HDAC1: variants seen among roughly 807,000 people sequenced by gnomAD.
HDAC1 encodes histone deacetylase 1, also known as protein deacetylase HDAC1.
HDAC1 carries 18 observed loss-of-function variants against 65.5 expected under a neutral mutation model. That is an observed-to-expected ratio of 0.27 (90% CI 0.19 to 0.41). The LOEUF (loss-of-function observed/expected upper bound fraction) is 0.41, where lower values mean the gene tolerates loss of function less well. HDAC1 is among the 10% of genes least tolerant of loss of function. HDAC1 has a pLI of 1.00. For synonymous variants in HDAC1, 211 were observed against 227.9 expected (o/e 0.93, Z 0.67); for missense variants, 373 against 625.2 (o/e 0.60, Z 4.30).
intron 2 of HDAC1, among the ~76,000 whole-genome samples, chr1:32,311,154 G>T (rs140672172): frequency 6.6e-6 from 1 of 152,140 alleles, no homozygotes; most frequent in African/African-American, 2.4e-5. Context: ...TGTAGCGGAT[G>T]AAAAAAGAAG....
intron 2 of HDAC1, among the ~76,000 whole-genome samples, chr1:32,309,929 G>C (rs1192587365): frequency 6.6e-6 from 1 of 152,120 alleles, no homozygotes; most frequent in Non-Finnish European, 1.5e-5. Flanking sequence ...ATGTATAAAG[G>C]CCTAAATGTG....
chr1:32,303,195 T>A (rs888562813), intron 2 of HDAC1, among the ~76,000 whole-genome samples: 1 of 152,098 alleles, frequency 6.6e-6, no homozygotes, highest in Non-Finnish European at 1.5e-5. Flanking sequence ...CCAGGTGCGG[T>A]GGCTCATGCC....
intron 3 of HDAC1, among the ~76,000 whole-genome samples, chr1:32,321,770 AT>A (rs1641149492): frequency 6.6e-6 from 1 of 151,808 alleles, no homozygotes; most frequent in Non-Finnish European, 1.5e-5. Flanking sequence ...ATTCCTTCCC[AT>A]GGAGGCTCCA....
chr1:32,329,376 A>G lies in HDAC1; in HGVS notation c.729+216A>G. On this transcript the variant is annotated intron_variant, in intron 7 of 13. Coordinates refer to ENST00000373548, the MANE Select transcript of HDAC1 (RefSeq NM_004964.3). This position sits in a 1 kb window ranked among gnomAD's most constrained non-coding sequence, Gnocchi z 4.1. ...TGGGTCAGGTCTTCTGCTGGATACA[A>G]AAATATCTAAGACATGATCTTTGCC... 3.3e-6 allele frequency: 2 copies of G among 599,358 alleles called. No homozygotes were observed. The highest frequency in any genetic ancestry group is 6.0e-6 in the Non-Finnish European group (2 of 336,114). 37.1% of individuals were successfully genotyped at this position (599,358 alleles called of 1,614,324 possible).
In HDAC1 at chr1:32,305,188, G is replaced by A. The variant is rs1640895564; in HGVS notation, c.162+2455G>A. Among the ~76,000 whole-genome samples, 4 of 152,218 alleles carry A rather than the reference G, an allele frequency of 2.6e-5. No individual in the cohort carries two copies. The South Asian group carries it at 6.2e-4, about 24-fold the overall frequency. On this transcript the variant is annotated intron_variant, in intron 2 of 13. Coordinates refer to ENST00000373548, the MANE Select transcript of HDAC1 (RefSeq NM_004964.3). ...CTCACCCATGTTGATACCTGTAGCT[G>A]TATTTATTTTTACTGTATTTCATTG...
intron 4 of HDAC1, among the ~76,000 whole-genome samples, 156 bp downstream of exon 4, chr1:32,324,709 C>T (rs1286784700): frequency 6.6e-6 from 1 of 152,126 alleles, no homozygotes; most frequent in Non-Finnish European, 1.5e-5. Flanking sequence ...GTGTCTCACA[C>T]CTGTAATCCC....
intron 2 of HDAC1, among the ~76,000 whole-genome samples, chr1:32,304,990 G>A (rs1055192555): frequency 3.9e-5 from 6 of 152,102 alleles, no homozygotes; most frequent in Admixed American, 3.3e-4. Flanking sequence ...GAGATTATAA[G>A]CATCAGCCAC....
chr1:32,316,433 T>TC (rs1641065514), intron 2 of HDAC1, among the ~76,000 whole-genome samples: 1 of 152,272 alleles, frequency 6.6e-6, no homozygotes, highest in African/African-American at 2.4e-5. Context: ...GTAACTTGCC[T>TC]AAGCAACAGA....
intron 1 of HDAC1, among the ~76,000 whole-genome samples, chr1:32,297,289 C>A (rs1463124687): frequency 6.6e-6 from 1 of 152,114 alleles, no homozygotes; most frequent in Non-Finnish European, 1.5e-5. Flanking sequence ...CGCCTGTAAT[C>A]CCAGTAGTTT....
At position 32,331,031 on chromosome 1, in the gene HDAC1, T is replaced by A. The variant is rs906201378; in HGVS notation, c.979+123T>A. 1 of 830,682 alleles carries A rather than the reference T, an allele frequency of 1.2e-6. No individual in the cohort carries two copies. Among genetic ancestry groups the A allele is most frequent in the Non-Finnish European group, 2.0e-6 (1 of 511,032 alleles). 51.5% of individuals were successfully genotyped at this position (830,682 alleles called of 1,614,324 possible). The stretch of plus-strand genomic sequence containing the variant: ...TCCTCTTCTGATACTAGTCACTGAG[T>A]CTCCTGCCTGTCCTCTTGTGATCAG... On this transcript the variant is annotated intron_variant, in intron 9 of 13. Coordinates refer to ENST00000373548, the MANE Select transcript of HDAC1 (RefSeq NM_004964.3). The surrounding 1 kb of genome is among the most constrained non-coding windows in gnomAD (Gnocchi z 4.2).
chr1:32,292,501 G>T (rs1037302672), intron 1 of HDAC1: 28 of 919,224 alleles, frequency 3.0e-5, no homozygotes, highest in Non-Finnish European at 3.4e-5. Flanking sequence ...ACTCCTAGAG[G>T]GGAGGGTGCG....
chr1:32,295,948 G>A (rs1472895892), intron 1 of HDAC1, among the ~76,000 whole-genome samples: 12 of 152,096 alleles, frequency 7.9e-5, no homozygotes, highest in Non-Finnish European at 1.8e-4. Flanking sequence ...CACCCAATAA[G>A]TTATATAGAA....
rs750176666 is a variant in HDAC1 at position 32,333,034 on chromosome 1, A to G, written c.1439A>G (p.Lys480Arg). The G allele has an allele frequency of 4.3e-6, 7 of 1,613,774 alleles. No homozygotes were observed. Among genetic ancestry groups the G allele is most frequent in the Admixed American group, 1.7e-5 (1 of 59,976 alleles). The change falls in exon 14 of 14, where the codon AAG becomes AGG. Residue 480 changes from lysine to arginine, a missense_variant. Lys to Arg is a conservative substitution (Grantham distance 26). Transcript: ENST00000373548. ...CTCCACAGGGTCAAGGAGGAGGTCA[A>G]GTTGGCCTGAATGGACCTCTCCAGC... ...PEAKGVKEEVKLA is the reference protein window; with the variant it reads ...PEAKGVKEEVRLA
chr1:32,302,755 C>T (rs373455220), intron 2 of HDAC1, 22 bp downstream of exon 2: 85 of 1,063,390 alleles, frequency 8.0e-5, no homozygotes, highest in Admixed American at 5.1e-4. Context: ...GAGGTGCTAC[C>T]GCTCCCTAAC....
At chr1:32,328,953 C>T in intron 6 of HDAC1, 115 bp from the exon 7 acceptor site, 2 of 750,812 alleles carry the variant, frequency 2.7e-6, no homozygotes, top group Non-Finnish European at 4.9e-6. Flanking sequence ...TCCTGGCCCA[C>T]ATCATGGGCC....
intron 3 of HDAC1, 59 bp downstream of exon 3, chr1:32,316,841 G>T: frequency 2.9e-6 from 3 of 1,047,904 alleles, no homozygotes; most frequent in Non-Finnish European, 4.5e-6. Context: ...CCTTTCCACT[G>T]TAGAGGCCCA....
chr1:32,306,703 C>T (rs1441844842), intron 2 of HDAC1, among the ~76,000 whole-genome samples: 1 of 152,060 alleles, frequency 6.6e-6, no homozygotes, highest in Non-Finnish European at 1.5e-5. Context: ...ACTGTGTTTC[C>T]TGTGTATTTT....
chr1:32,295,182 G>A (rs1468108961), intron 1 of HDAC1, among the ~76,000 whole-genome samples: 1 of 152,134 alleles, frequency 6.6e-6, no homozygotes, highest in Non-Finnish European at 1.5e-5. Context: ...GGTAGGCTGG[G>A]GCGGATGGTT....
Position 32,302,717 on chromosome 1 carries a change from G to A in HDAC1, c.146G>A (p.Arg49Gln), listed in dbSNP as rs1335346531. The A allele has an allele frequency of 2.6e-6, 4 of 1,556,054 alleles. No homozygotes were observed. The highest frequency in any genetic ancestry group is 2.7e-6 in the Non-Finnish European group (3 of 1,127,294). The part of the protein sequence containing the change: ...HNLLLNYGLY[R>Q]KMEIYRPHKA... The stretch of plus-strand genomic sequence containing the variant: ...TTGCTGCTCAACTATGGTCTCTACC[G>A]AAAAATGGAAATCTATGTGAGTTAC... The change falls in exon 2 of 14, where the codon CGA becomes CAA. Residue 49 changes from arginine (R) to glutamine (Q), a missense_variant. Physicochemically the swap from Arg to Gln is conservative, Grantham distance 43. Around this residue, in one of 4 missense-constraint regions of HDAC1, gnomAD observed 80 missense variants for 126.3 expected, o/e 0.63. Coordinates refer to ENST00000373548, the MANE Select transcript of HDAC1 (RefSeq NM_004964.3).
Sources: allele counts gnomAD v4.1 joint callset (sites outside exome capture counted in the v4.1 genomes callset), GRCh38; gene constraint gnomAD v4.1.1; regional missense constraint gnomAD v4.1.1; non-coding constraint Gnocchi (gnomAD v3.1); transcripts MANE v1.5; gene names NCBI Gene and HGNC (gene_info 2026-07-23, HGNC 2026-07-21).